Variants in TRAK1 observed in about 807,000 individuals in gnomAD.
TRAK1 encodes trafficking kinesin-binding protein 1.
TRAK1 carries 33 observed loss-of-function variants against 92.1 expected under a neutral mutation model. The observed-to-expected ratio is 0.36, with a 90% CI of 0.27 to 0.48. The LOEUF (loss-of-function observed/expected upper bound fraction) is 0.48. TRAK1 is among the 20% of genes least tolerant of loss of function. The probability of loss-of-function intolerance (pLI) is 0.99; values close to 1 mark genes in which losing one functional copy is unlikely to be tolerated. For missense variants in TRAK1, 1,123 were observed against 1,257.9 expected (o/e 0.89, Z 1.62); for synonymous variants, 521 against 517.3 (o/e 1.01, Z -0.10).
At chr3:42,204,489 A>G (rs1708093171) in intron 13 of TRAK1, among the ~76,000 whole-genome samples, 1 of 152,242 alleles carries the variant, frequency 6.6e-6, no homozygotes, top group South Asian at 2.1e-4. Context: ...ATACAATTAA[A>G]AAGTTATTTG....
chr3:42,144,228 AC>A (rs1699049480), intron 2 of TRAK1, among the ~76,000 whole-genome samples: 1 of 150,914 alleles, frequency 6.6e-6, no homozygotes, highest in Non-Finnish European at 1.5e-5. Flanking sequence ...AGGAATTTGT[AC>A]CCCCTTTTTA....
At chr3:42,210,284 TC>T in intron 14 of TRAK1, 7 of 1,516,916 alleles carry the variant, frequency 4.6e-6, no homozygotes, top group Non-Finnish European at 6.2e-6. Context: ...ATTGCACAGT[TC>T]TGTTTTTAAA....
At chr3:42,151,364 A>G (rs1438935189) in intron 2 of TRAK1, 3 of 456,574 alleles carry the variant, frequency 6.6e-6, no homozygotes, top group Non-Finnish European at 1.3e-5. Context: ...TTTGGCCCTG[A>G]GAGACCCTGA....
intron 12 of TRAK1, among the ~76,000 whole-genome samples, chr3:42,201,647 A>G (rs1321121156): frequency 6.6e-6 from 1 of 151,504 alleles, no homozygotes; most frequent in African/African-American, 2.4e-5. Flanking sequence ...GTTAATCTTC[A>G]CGGTAAGGCT....
At chr3:42,093,141 AGAGT>A (rs1705351747) in intron 1 of TRAK1, among the ~76,000 whole-genome samples, 1 of 152,210 alleles carries the variant, frequency 6.6e-6, no homozygotes, top group Non-Finnish European at 1.5e-5. Flanking sequence ...CTTTTACAAC[AGAGT>A]GAGAAAATGT....
intron 2 of TRAK1, among the ~76,000 whole-genome samples, chr3:42,158,211 TTTA>T (rs1700786043): frequency 6.6e-6 from 1 of 152,200 alleles, no homozygotes; most frequent in Non-Finnish European, 1.5e-5. Context: ...TATAAATAAA[TTTA>T]TTATGAGTAA....
In TRAK1 at chr3:42,030,727, T is replaced by G. The variant is rs1361300218; in HGVS notation, c.-519+16610T>G. On this transcript the variant is annotated intron_variant, in intron 1 of 16. Transcript: ENST00000487159. ...ATATATATATATATATATATATATA[T>G]ATATATATATATATGTAACTTGTTG... Among the ~76,000 whole-genome samples the G allele has an allele frequency of 3.7e-4, 25 of 66,818 alleles. 3 individuals are homozygous for G. The East Asian group carries it at 0.012, about 31-fold the overall frequency. The allele number at this position is 66,818 out of a possible 152,430, so 43.8% of individuals were successfully genotyped here.
At chr3:42,129,331 T>C (rs1696889445) in intron 2 of TRAK1, among the ~76,000 whole-genome samples, 1 of 152,126 alleles carries the variant, frequency 6.6e-6, no homozygotes, top group African/African-American at 2.4e-5. Context: ...AGCGCTGGGG[T>C]TCTGATACGC....
chr3:42,106,655 A>G (rs959424794), intron 1 of TRAK1, among the ~76,000 whole-genome samples: 2 of 152,212 alleles, frequency 1.3e-5, no homozygotes, highest in African/African-American at 4.8e-5. Flanking sequence ...TCTGCTTTGT[A>G]GGTTGTCCTT....
At chr3:42,022,229 G>A (rs1701748057) in intron 1 of TRAK1, among the ~76,000 whole-genome samples, 1 of 152,140 alleles carries the variant, frequency 6.6e-6, no homozygotes, top group African/African-American at 2.4e-5. Context: ...ACATTCCAAA[G>A]GTCTCTTGTG....
intron 1 of TRAK1, among the ~76,000 whole-genome samples, chr3:42,059,519 C>T (rs1703338069): frequency 6.6e-6 from 1 of 152,142 alleles, no homozygotes; most frequent in African/African-American, 2.4e-5. Context: ...CTGTTTCTCC[C>T]TGTGCCTATC....
chr3:42,182,542 G>A (rs1704170520), intron 3 of TRAK1, among the ~76,000 whole-genome samples: 1 of 152,124 alleles, frequency 6.6e-6, no homozygotes, highest in African/African-American at 2.4e-5. Flanking sequence ...ATCCCAAAGT[G>A]CCGGGATTAC....
At chr3:42,192,758 A>G (rs567081844) in intron 7 of TRAK1, among the ~76,000 whole-genome samples, 24 of 152,294 alleles carry the variant, frequency 1.6e-4, no homozygotes, top group Non-Finnish European at 3.2e-4. Context: ...GTCACTTTCT[A>G]TCTGACCACT....
rs1707462419 is a variant in TRAK1 at position 42,201,026 on chromosome 3, A to G, written c.1399A>G (p.Ile467Val). 2 of 1,614,044 alleles carry G rather than the reference A, an allele frequency of 1.2e-6. No homozygotes were observed. The highest frequency in any genetic ancestry group is 1.3e-5 in the African/African-American group (1 of 74,922). ...VVLDNKTNSI[I>V]LETEAADLGN... ...CCTCGACAACAAGACCAACAGCATC[A>G]TTCTGGAAACAGAGGCAGCCGACCT... is the stretch of plus-strand genomic sequence containing the variant. The change falls in exon 12 of 16, where the codon ATT (isoleucine) becomes GTT (valine). Residue 467 changes from isoleucine (I) to valine (V), a missense_variant. Coordinates refer to ENST00000327628, the MANE Select transcript of TRAK1 (RefSeq NM_001042646.3).
intron 1 of TRAK1, among the ~76,000 whole-genome samples, chr3:42,049,977 C>T (rs1188731608): frequency 6.6e-6 from 1 of 152,170 alleles, no homozygotes; most frequent in Non-Finnish European, 1.5e-5. Context: ...TTTGAGGGAG[C>T]TGGCTGGAGC....
At chr3:42,146,174 A>G (rs1319496779) in intron 2 of TRAK1, 1 of 350,672 alleles carries the variant, frequency 2.9e-6, no homozygotes, top group Non-Finnish European at 5.7e-6. Context: ...CAAGGAGGAA[A>G]AAATACCTTC....
At chr3:42,167,121 C>T (rs1477631580) in intron 2 of TRAK1, among the ~76,000 whole-genome samples, 1 of 152,248 alleles carries the variant, frequency 6.6e-6, no homozygotes, top group African/African-American at 2.4e-5. Context: ...CATGCCCCCT[C>T]AGGCCTGTCT....
chr3:42,104,777 T>C (rs13322778), intron 1 of TRAK1, among the ~76,000 whole-genome samples: 17,257 of 152,058 alleles, frequency 0.11, 1,176 homozygotes, highest in African/African-American at 0.19. Flanking sequence ...ATTCTAAAAA[T>C]CAGAGCACCT....
At chr3:42,076,374 C>T (rs971757227) in intron 1 of TRAK1, among the ~76,000 whole-genome samples, 6 of 151,060 alleles carry the variant, frequency 4.0e-5, no homozygotes, top group African/African-American at 9.7e-5. Context: ...TACAGGTGCT[C>T]GCCACCACGC....
Sources: allele counts gnomAD v4.1 joint callset (sites outside exome capture counted in the v4.1 genomes callset), GRCh38; gene constraint gnomAD v4.1.1; transcripts MANE v1.5; gene names NCBI Gene and HGNC (gene_info 2026-07-23, HGNC 2026-07-21).